Variants in VWF observed in about 807,000 individuals in gnomAD.
VWF encodes the protein Factor VIII related antigen.
Under a neutral mutation model 308.6 loss-of-function variants are expected in VWF, and 176 were observed. That is an observed-to-expected ratio of 0.57 (90% CI 0.50 to 0.65). The LOEUF is 0.65. Among genes scored for constraint, VWF ranks in the 30% least tolerant of loss-of-function variants. VWF has a pLI of 0.00. For synonymous variants in VWF, 1,385 were observed against 1,443.4 expected, an observed-to-expected ratio of 0.96 and a Z score of 0.92; for missense variants, 3,146 against 3,648.2, an observed-to-expected ratio of 0.86 and a Z score of 3.55.
At chr12:6,122,380 T>A (rs1356103144) in intron 2 of VWF, among the ~76,000 whole-genome samples, 1 of 152,202 alleles carries the variant, frequency 6.6e-6, no homozygotes. Flanking sequence ...CTCTCTGAAG[T>A]GTGAACTCCT....
At chr12:5,992,852 T>A (rs1458865226) in intron 37 of VWF, among the ~76,000 whole-genome samples, 1 of 152,146 alleles carries the variant, frequency 6.6e-6, no homozygotes, top group African/African-American at 2.4e-5. Context: ...CACAAAGAAA[T>A]CAGTATGCAG....
chr12:6,084,952 C>A (rs1944952378), intron 6 of VWF, among the ~76,000 whole-genome samples: 1 of 152,312 alleles, frequency 6.6e-6, no homozygotes. Flanking sequence ...TTCTGACTCA[C>A]AAGGACCTGG....
At chr12:6,083,296 G>A (rs920787114) in intron 6 of VWF, among the ~76,000 whole-genome samples, 4 of 152,170 alleles carry the variant, frequency 2.6e-5, no homozygotes, top group African/African-American at 9.7e-5. Context: ...TTACAGGCGT[G>A]AGCCACCGCA....
chr12:6,010,313 AT>A (rs1353696391), intron 34 of VWF, among the ~76,000 whole-genome samples: 2 of 152,188 alleles, frequency 1.3e-5, no homozygotes, highest in Non-Finnish European at 2.9e-5. Context: ...TGCAAAAAAA[AT>A]AAATAAAAAC....
intron 47 of VWF, among the ~76,000 whole-genome samples, chr12:5,965,750 G>A (rs1943394682): frequency 6.6e-6 from 1 of 152,178 alleles, no homozygotes; most frequent in South Asian, 2.1e-4. Context: ...GTGTCCCAGA[G>A]ACCCTTCGTG....
At chr12:6,116,212 C>T (rs1367435500) in intron 3 of VWF, among the ~76,000 whole-genome samples, 2 of 152,140 alleles carry the variant, frequency 1.3e-5, no homozygotes, top group African/African-American at 4.8e-5. Flanking sequence ...GGCTGTCACC[C>T]CAAAGAGGCA....
intron 5 of VWF, among the ~76,000 whole-genome samples, chr12:6,103,415 C>CGT (rs1209797536): frequency 6.2e-5 from 7 of 112,964 alleles, no homozygotes; most frequent in Non-Finnish European, 1.1e-4. Context: ...TGTATACACA[C>CGT]GTGTGTGTAT....
At chr12:6,098,033 T>C (rs1226978888) in intron 5 of VWF, among the ~76,000 whole-genome samples, 3 of 150,604 alleles carry the variant, frequency 2.0e-5, no homozygotes, top group Non-Finnish European at 4.4e-5. Flanking sequence ...GCCCTGACCA[T>C]CTATGAAGTG....
intron 5 of VWF, among the ~76,000 whole-genome samples, chr12:6,104,004 T>C (rs1477048761): frequency 6.6e-6 from 1 of 152,066 alleles, no homozygotes; most frequent in Non-Finnish European, 1.5e-5. Flanking sequence ...AAGAAAATAT[T>C]TGCAAACTTT....
At position 6,022,010 on chromosome 12, in the gene VWF, C is replaced by A; in HGVS notation, c.3564G>T (p.Gln1188His). The part of the protein sequence containing the change: ...PPGKILDELL[Q>H]TCVDPEDCPV... The stretch of plus-strand genomic sequence containing the variant: ...GACAGTCTTCAGGGTCAACGCAGGT[C>A]TGCAAAAGCTCATCCAGGATTTTCC... Residue 1188 changes from glutamine to histidine, a missense_variant, in exon 27 of 52, where the codon CAG (glutamine) becomes CAT (histidine). Transcript: ENST00000261405. 6.2e-7 allele frequency: 1 copy of A among 1,614,180 alleles called. No homozygotes were observed. The highest frequency in any genetic ancestry group is 2.2e-5 in the East Asian group (1 of 44,874).
intron 47 of VWF, among the ~76,000 whole-genome samples, chr12:5,964,090 G>C (rs1013705283): frequency 6.6e-6 from 1 of 151,962 alleles, no homozygotes. Context: ...GGCGGTGGGC[G>C]CCTGTAGTCC....
At chr12:5,964,173 C>T (rs564037059) in intron 47 of VWF, among the ~76,000 whole-genome samples, 1 of 143,152 alleles carries the variant, frequency 7.0e-6, no homozygotes, top group South Asian at 2.2e-4. Context: ...GCCGAGATCT[C>T]ACCACTGCAC....
intron 41 of VWF, 56 bp downstream of exon 41, chr12:5,983,094 C>T: frequency 1.6e-5 from 24 of 1,545,244 alleles, no homozygotes; most frequent in Non-Finnish European, 2.0e-5. Context: ...AGGATGGCCT[C>T]CCTCACACCA....
chr12:6,009,132 A>G (rs1943964386), intron 34 of VWF, among the ~76,000 whole-genome samples: 1 of 152,140 alleles, frequency 6.6e-6, no homozygotes, highest in Non-Finnish European at 1.5e-5. Flanking sequence ...AGAAACAATC[A>G]ACAGAATAAA....
chr12:6,076,832 C>A (rs1591903274), intron 6 of VWF, among the ~76,000 whole-genome samples: 1 of 152,190 alleles, frequency 6.6e-6, no homozygotes, highest in Admixed American at 6.5e-5. Flanking sequence ...GGCCTGTGGG[C>A]CTCCTGTTTT....
intron 47 of VWF, among the ~76,000 whole-genome samples, chr12:5,958,752 T>TA (rs1451730385): frequency 6.6e-6 from 1 of 152,192 alleles, no homozygotes; most frequent in East Asian, 1.9e-4. Flanking sequence ...AAAGGATTTT[T>TA]ACCTGTTTTC....
At position 6,023,533 on chromosome 12, in the gene VWF, C is replaced by T. The variant is rs557284826; in HGVS notation, c.3379+98G>A. 108 of 1,530,272 alleles carry T rather than the reference C, an allele frequency of 7.1e-5. No individual in the cohort carries two copies. In the African/African-American group the frequency reaches 1.1e-3, roughly 15 times the overall value. The allele number at this position is 1,530,272 out of a possible 1,614,324, so 94.8% of individuals were successfully genotyped here. A position where few individuals can be genotyped will look rare whatever the true frequency, so the allele number is the denominator to read the frequency against. On this transcript the variant is annotated intron_variant, in intron 25 of 51. Transcript: ENST00000261405. ...TCCCTACTAACACTCTGTCTTCTCTCGCCCATGAAGATATCCCCCTGCACT... is the reference window on the plus strand; with the variant it reads ...TCCCTACTAACACTCTGTCTTCTCTTGCCCATGAAGATATCCCCCTGCACT...
intron 5 of VWF, among the ~76,000 whole-genome samples, chr12:6,100,908 A>G (rs1421865459): frequency 6.6e-6 from 1 of 152,200 alleles, no homozygotes; most frequent in Non-Finnish European, 1.5e-5. Flanking sequence ...TAATAAAGAA[A>G]GACACAGAAA....
chr12:5,993,676 C>CACAT (rs1943769964), intron 37 of VWF, among the ~76,000 whole-genome samples, 186 bp downstream of exon 37: 2 of 148,742 alleles, frequency 1.3e-5, no homozygotes, highest in Non-Finnish European at 3.0e-5. Flanking sequence ...CACACACACA[C>CACAT]ATATACATAT....
Sources: gnomAD v4.1 joint callset for allele counts (sites outside exome capture counted in the v4.1 genomes callset) on GRCh38, gnomAD v4.1.1 for gene constraint, MANE v1.5 for transcripts, NCBI Gene and HGNC (gene_info 2026-07-23, HGNC 2026-07-21) for gene names.